IPPK: variants seen among roughly 807,000 people sequenced by gnomAD.
The protein encoded by IPPK is IPK1 homolog.
IPPK carries 22 observed loss-of-function variants against 64.6 expected under a neutral mutation model. The observed-to-expected ratio is 0.34, with a 90% confidence interval of 0.24 to 0.49. The LOEUF (loss-of-function observed/expected upper bound fraction) is 0.49, where lower values mean the gene tolerates loss of function less well. Among genes scored for constraint, IPPK ranks in the 20% least tolerant of loss-of-function variants. The pLI is 0.99. For synonymous variants in IPPK, 262 were observed against 247.2 expected (o/e 1.06, Z -0.56); for missense variants, 532 against 630.7 (o/e 0.84, Z 1.68).
At chr9:92,657,716 C>T (rs1011720890) in intron 2 of IPPK, among the ~76,000 whole-genome samples, 5 of 152,324 alleles carry the variant, frequency 3.3e-5, no homozygotes, top group South Asian at 2.1e-4. Context: ...TCCTATCCTC[C>T]GCCTGCCTGC....
At chr9:92,658,336 C>T (rs1852414145) in intron 2 of IPPK, among the ~76,000 whole-genome samples, 2 of 152,212 alleles carry the variant, frequency 1.3e-5, no homozygotes, top group Admixed American at 6.5e-5. Context: ...CTCGGCAACG[C>T]AAAGCTTGCC....
intron 1 of IPPK, among the ~76,000 whole-genome samples, chr9:92,668,996 T>C (rs994257316): frequency 1.3e-5 from 2 of 152,240 alleles, no homozygotes; most frequent in African/African-American, 4.8e-5. Context: ...GGGATGACAA[T>C]TATCACTTGC....
intron 1 of IPPK, among the ~76,000 whole-genome samples, chr9:92,660,165 C>T (rs971611701): frequency 9.2e-5 from 14 of 152,212 alleles, no homozygotes; most frequent in Non-Finnish European, 1.3e-4. Flanking sequence ...CTCACCTACA[C>T]ATGATGGTGT....
intron 6 of IPPK, among the ~76,000 whole-genome samples, chr9:92,645,306 G>A (rs1448228635): frequency 6.6e-6 from 1 of 151,990 alleles, no homozygotes; most frequent in Non-Finnish European, 1.5e-5. Flanking sequence ...GCAGGAAGAT[G>A]GCTTGAGTTC....
chr9:92,619,718 CAGG>C, intron 11 of IPPK, 153 bp from the exon 12 acceptor site: 5 of 684,752 alleles, frequency 7.3e-6, no homozygotes, highest in South Asian at 5.2e-5. Context: ...GCACGGGCGT[CAGG>C]AGGTCGCCCT....
chr9:92,638,883 A>G (rs544171048), intron 8 of IPPK, among the ~76,000 whole-genome samples: 1 of 152,188 alleles, frequency 6.6e-6, no homozygotes, highest in Non-Finnish European at 1.5e-5. Flanking sequence ...CAACACTTAG[A>G]TTCACACATT....
chr9:92,656,620 G>A, intron 2 of IPPK, 69 bp from the exon 3 acceptor site: 1 of 1,031,592 alleles, frequency 9.7e-7, no homozygotes, highest in South Asian at 1.3e-5. Flanking sequence ...TGAGGGGAGA[G>A]GCAAAAACCA....
At chr9:92,618,340 G>GT (rs778760702) in intron 12 of IPPK, 4 of 456,680 alleles carry the variant, frequency 8.8e-6, no homozygotes, top group Middle Eastern at 6.5e-4. Context: ...GCAGCTGGTC[G>GT]TAAGGACCCG....
intron 1 of IPPK, among the ~76,000 whole-genome samples, chr9:92,668,496 C>G (rs1379661127): frequency 6.6e-6 from 1 of 151,096 alleles, no homozygotes; most frequent in Non-Finnish European, 1.5e-5. Flanking sequence ...TCTGCCACTA[C>G]TTTTGAAATT....
intron 9 of IPPK, among the ~76,000 whole-genome samples, chr9:92,637,075 C>T (rs1217259596): frequency 6.6e-6 from 1 of 152,126 alleles, no homozygotes; most frequent in Non-Finnish European, 1.5e-5. Context: ...AATCCTAGCA[C>T]TTTGAGAGTC....
At position 92,658,673 on chromosome 9, in the gene IPPK, G is replaced by A. The variant is rs1852422299; in HGVS notation, c.90C>T (p.Val30=). Residue 30 remains valine, a synonymous_variant, in exon 2 of 13, where the codon GTC becomes GTT. Transcript: ENST00000287996. ...SLVVAHAQRC[V]VLRFLKFPPN... ...GAGGAAACTTCAGAAACCGCAGCAC[G>A]ACGCAGCGCTGTTGGAAAATAAAAC... The A allele has an allele frequency of 7.4e-6, 12 of 1,613,794 alleles. No individual in the cohort carries two copies. Among genetic ancestry groups the A allele is most frequent in the South Asian group, 2.2e-5 (2 of 91,056 alleles).
At chr9:92,657,357 A>C (rs890705472) in intron 2 of IPPK, among the ~76,000 whole-genome samples, 18 of 152,020 alleles carry the variant, frequency 1.2e-4, no homozygotes, top group Non-Finnish European at 2.5e-4. Flanking sequence ...TCAAAAAAAA[A>C]AAAATAAAGC....
At chr9:92,625,567 C>T (rs1342382986) in intron 11 of IPPK, among the ~76,000 whole-genome samples, 2 of 152,200 alleles carry the variant, frequency 1.3e-5, no homozygotes. Flanking sequence ...TGAAACCGCT[C>T]CTTTTAACGT....
intron 4 of IPPK, among the ~76,000 whole-genome samples, 157 bp from the exon 5 acceptor site, chr9:92,649,731 T>TTG (rs1852223063): frequency 6.6e-6 from 1 of 152,094 alleles, no homozygotes; most frequent in African/African-American, 2.4e-5. Context: ...ACACACACAG[T>TTG]AACAACGTGG....
chr9:92,617,393 G>C (rs1228157565), intron 12 of IPPK: 1 of 152,340 alleles, frequency 6.6e-6, no homozygotes, highest in Non-Finnish European at 1.5e-5. Context: ...GTTCCAGGCA[G>C]CTCCCGGGGA....
At chr9:92,641,204 C>A (rs937529406) in intron 7 of IPPK, among the ~76,000 whole-genome samples, 1 of 152,180 alleles carries the variant, frequency 6.6e-6, no homozygotes, top group Non-Finnish European at 1.5e-5. Context: ...TGATGGGCCA[C>A]GAAGGGAGTG....
At chr9:92,651,228 T>A (rs1328849991) in intron 4 of IPPK, among the ~76,000 whole-genome samples, 1 of 152,110 alleles carries the variant, frequency 6.6e-6, no homozygotes, top group African/African-American at 2.4e-5. Context: ...CAGGAAAAAA[T>A]TTTATACTGG....
rs527621150 is a variant in IPPK, at chr9:92,635,375, C to T, written c.917-67G>A. 6.6e-7 allele frequency: 1 copy of T among 1,522,176 alleles called. No homozygotes were observed. Among genetic ancestry groups the T allele is most frequent in the Non-Finnish European group, 8.9e-7 (1 of 1,120,628 alleles). The allele number at this position is 1,522,176 out of a possible 1,614,324, so 94.3% of individuals were successfully genotyped here. ...CAAAGAACGTGGAGGGAGACACAGGCCGGCGCAGACCGCAGGGCTCATCCT... is the reference window on the plus strand; with the variant it reads ...CAAAGAACGTGGAGGGAGACACAGGTCGGCGCAGACCGCAGGGCTCATCCT... On this transcript the variant is annotated intron_variant, in intron 9 of 12. Transcript: ENST00000287996. The surrounding 1 kb of genome is among the most constrained non-coding windows in gnomAD (Gnocchi z 4.4).
At chr9:92,631,482 C>T (rs1851844691) in intron 11 of IPPK, among the ~76,000 whole-genome samples, 3 of 152,314 alleles carry the variant, frequency 2.0e-5, no homozygotes, top group Admixed American at 2.0e-4. Flanking sequence ...GTACCCGGCC[C>T]ACAGGGTTCA....
Sources: allele counts gnomAD v4.1 joint callset (sites outside exome capture counted in the v4.1 genomes callset), GRCh38; gene constraint gnomAD v4.1.1; non-coding constraint Gnocchi (gnomAD v3.1); transcripts MANE v1.5; gene names NCBI Gene and HGNC (gene_info 2026-07-23, HGNC 2026-07-21).